Variants in RIT2 observed in about 807,000 individuals in gnomAD.
The protein encoded by RIT2 is Ras like without CAAX 2.
RIT2 carries 24 observed loss-of-function variants against 23.7 expected under a neutral mutation model. The ratio of observed to expected loss-of-function variants is 1.01; its 90% CI spans 0.73 to 1.43. The LOEUF (loss-of-function observed/expected upper bound fraction) is 1.43. Among genes scored for constraint, RIT2 ranks in the 40% most tolerant of loss-of-function variants. The pLI is 0.00. For synonymous variants in RIT2, 107 were observed against 91.1 expected (o/e 1.17, Z -0.99); for missense variants, 236 against 266.9 (o/e 0.88, Z 0.81).
chr18:43,073,425 T>G (rs973243521), intron 1 of RIT2, among the ~76,000 whole-genome samples: 1 of 152,208 alleles, frequency 6.6e-6, no homozygotes, highest in South Asian at 2.1e-4. Context: ...TTCCTTTGGA[T>G]GTATCTGGTG....
intron 4 of RIT2, among the ~76,000 whole-genome samples, chr18:42,771,127 T>G (rs146893908): frequency 6.6e-6 from 1 of 152,284 alleles, no homozygotes; most frequent in East Asian, 1.9e-4. Context: ...ACGTAATTTT[T>G]TTTTATTTAA....
At chr18:43,101,783 A>T (rs1224478956) in intron 1 of RIT2, among the ~76,000 whole-genome samples, 1 of 152,218 alleles carries the variant, frequency 6.6e-6, no homozygotes, top group Admixed American at 6.5e-5. Flanking sequence ...AGTGGAAGGC[A>T]AATTTTTTTA....
chr18:43,072,078 C>T (rs1316220114), intron 1 of RIT2, among the ~76,000 whole-genome samples: 1 of 151,968 alleles, frequency 6.6e-6, no homozygotes, highest in Admixed American at 6.6e-5. Context: ...ATCCACCTCC[C>T]GGGTGCAAGG....
At chr18:43,065,298 A>G (rs1912746611) in intron 1 of RIT2, among the ~76,000 whole-genome samples, 1 of 136,768 alleles carries the variant, frequency 7.3e-6, no homozygotes, top group Admixed American at 8.0e-5. Context: ...GCACACAATT[A>G]TAGCTCACTG....
chr18:42,931,836 TAAG>T (rs1447599782), intron 3 of RIT2, among the ~76,000 whole-genome samples: 1 of 152,018 alleles, frequency 6.6e-6, no homozygotes, highest in African/African-American at 2.4e-5. Context: ...TAGAGTGAAA[TAAG>T]AAAATCCACA....
At chr18:42,774,820 A>G (rs1168215639) in intron 4 of RIT2, among the ~76,000 whole-genome samples, 1 of 152,150 alleles carries the variant, frequency 6.6e-6, no homozygotes, top group African/African-American at 2.4e-5. Flanking sequence ...AGATTCTGAA[A>G]TTCCATTACC....
Position 42,862,351 on chromosome 18 carries a change from A to C in RIT2, c.426+61221T>G, listed in dbSNP as rs529489730. On this transcript the variant is annotated intron_variant, in intron 4 of 4. Transcript: ENST00000326695. ...ATTGTAAGTTTCCTGAGGCCTCCCC[A>C]GCCATGTGGACCTGTGAGTCAATTA... is the stretch of plus-strand genomic sequence containing the variant. Among the ~76,000 whole-genome samples, 18 of 152,252 alleles carry C rather than the reference A, an allele frequency of 1.2e-4. No homozygotes were observed. In the South Asian group the frequency reaches 2.9e-3, roughly 25 times the overall value.
chr18:43,012,152 T>C lies in RIT2; in HGVS notation c.160+21659A>G, dbSNP rs895974475. 6.6e-5 allele frequency among the ~76,000 whole-genome samples: 10 copies of C among 151,938 alleles called. No individual in the cohort carries two copies. The South Asian group carries it at 8.3e-4, about 13-fold the overall frequency. ...TCAAGTTTCTTTAGTGATCATCTCA[T>C]TTCTCTTTTTCAGATGGTGTGACCT... is the stretch of plus-strand genomic sequence containing the variant. On this transcript the variant is annotated intron_variant, in intron 2 of 4. Coordinates refer to ENST00000326695, the MANE Select transcript of RIT2 (RefSeq NM_002930.4).
At chr18:43,046,955 T>C (rs145983994) in intron 1 of RIT2, among the ~76,000 whole-genome samples, 116 of 152,240 alleles carry the variant, frequency 7.6e-4, no homozygotes, top group African/African-American at 2.7e-3. Context: ...GTGTTTAGTG[T>C]GATCCTCAGA....
At chr18:42,775,131 C>T (rs1296472140) in intron 4 of RIT2, among the ~76,000 whole-genome samples, 1 of 152,166 alleles carries the variant, frequency 6.6e-6, no homozygotes, top group African/African-American at 2.4e-5. Flanking sequence ...AAATTTATTT[C>T]TGACATATGC....
chr18:42,815,980 G>A (rs1002585131), intron 4 of RIT2, among the ~76,000 whole-genome samples: 7 of 152,044 alleles, frequency 4.6e-5, no homozygotes, highest in Non-Finnish European at 8.8e-5. Context: ...TGAAAGACTT[G>A]GCTTTCAGAA....
chr18:42,814,123 G>T (rs758269131), intron 4 of RIT2, among the ~76,000 whole-genome samples: 1 of 152,164 alleles, frequency 6.6e-6, no homozygotes, highest in Non-Finnish European at 1.5e-5. Flanking sequence ...GGGGTCCTTC[G>T]GGAGGGCAGC....
chr18:42,872,923 G>A (rs1251720160), intron 4 of RIT2, among the ~76,000 whole-genome samples: 2 of 152,120 alleles, frequency 1.3e-5, no homozygotes, highest in Non-Finnish European at 2.9e-5. Context: ...AATGTTGTTT[G>A]TAGTGTACTA....
rs537506843 is a variant in RIT2 at position 42,840,627 on chromosome 18, G to A, written c.426+82945C>T. Among the ~76,000 whole-genome samples the A allele has an allele frequency of 4.3e-4, 65 of 152,156 alleles. No homozygotes were observed. The South Asian group carries it at 0.013, about 31-fold the overall frequency. On this transcript the variant is annotated intron_variant, in intron 4 of 4. Coordinates refer to ENST00000326695, the MANE Select transcript of RIT2 (RefSeq NM_002930.4). ...AGCGATTCTCTTGCCTCAGCCTCCC[G>A]AGTAGCTGGGATTACAGTCATGTGA... is the stretch of plus-strand genomic sequence containing the variant.
At chr18:43,079,250 G>A (rs564888162) in intron 1 of RIT2, among the ~76,000 whole-genome samples, 2 of 152,242 alleles carry the variant, frequency 1.3e-5, no homozygotes, top group South Asian at 4.1e-4. Flanking sequence ...CTTTAGGGAA[G>A]GCTAGAGCTG....
intron 1 of RIT2, among the ~76,000 whole-genome samples, chr18:43,046,313 T>A (rs753629930): frequency 2.0e-4 from 31 of 152,152 alleles, no homozygotes; most frequent in Non-Finnish European, 2.9e-5. Flanking sequence ...ATTTGCACAG[T>A]TTTAGAACAG....
chr18:43,088,337 A>G (rs1913334737), intron 1 of RIT2, among the ~76,000 whole-genome samples: 1 of 152,152 alleles, frequency 6.6e-6, no homozygotes, highest in African/African-American at 2.4e-5. Context: ...ATGTTCTAAT[A>G]TTTCTAATAC....
chr18:42,990,831 A>C (rs1910824747), intron 2 of RIT2, among the ~76,000 whole-genome samples: 1 of 152,008 alleles, frequency 6.6e-6, no homozygotes, highest in African/African-American at 2.4e-5. Flanking sequence ...TTACAATCAC[A>C]GACCCAATAG....
chr18:42,863,091 T>C (rs1428114719), intron 4 of RIT2, among the ~76,000 whole-genome samples: 1 of 152,098 alleles, frequency 6.6e-6, no homozygotes, highest in Non-Finnish European at 1.5e-5. Flanking sequence ...TGAGGCATTT[T>C]ATCCAATGAA....
Sources: allele counts gnomAD v4.1 joint callset (sites outside exome capture counted in the v4.1 genomes callset), GRCh38; gene constraint gnomAD v4.1.1; transcripts MANE v1.5; gene names NCBI Gene and HGNC (gene_info 2026-07-23, HGNC 2026-07-21).